Variants in B4GALT5 observed in about 807,000 individuals in gnomAD.
B4GALT5 encodes UDP-Gal:beta-GlcNAc beta-1,4-galactosyltransferase 5.
A neutral mutation model predicts 45.0 loss-of-function variants in B4GALT5; 11 were observed. That is an observed-to-expected ratio of 0.24 (90% CI 0.15 to 0.40). The LOEUF (loss-of-function observed/expected upper bound fraction) is 0.40. B4GALT5 is among the 10% of genes least tolerant of loss of function. B4GALT5 has a pLI of 1.00. For missense variants in B4GALT5, 337 were observed against 500.2 expected, an observed-to-expected ratio of 0.67 and a Z score of 3.11; for synonymous variants, 185 against 182.9, an observed-to-expected ratio of 1.01 and a Z score of -0.09.
Position 49,710,418 on chromosome 20 carries a change from TTG to T in B4GALT5, c.115+3156_115+3157del, listed in dbSNP as rs893816324. Among the ~76,000 whole-genome samples the T allele has an allele frequency of 1.4e-3, 205 of 148,498 alleles. 32 individuals are homozygous for T. The highest frequency in any genetic ancestry group is 0.01 in the Middle Eastern group (3 of 288). On this transcript the variant is annotated intron_variant, in intron 1 of 8. Transcript: ENST00000371711. ...TATTTTCTCTCTCTTTTTTTTTTTT[TTG>T]TGTGTGTGTGTGTGTATGAGACAGA...
rs1371226626 is a variant in B4GALT5 at position 49,633,176 on chromosome 20, A to T, written c.*3136T>A. Reference sequence around the variant, plus strand: ...AAATAAGCTAGCTACGCTCAATGCCATCGTCAATGGTGAGTGGATACAATC... The same window carrying T: ...AAATAAGCTAGCTACGCTCAATGCCTTCGTCAATGGTGAGTGGATACAATC... On this transcript the variant is annotated 3_prime_UTR_variant, in exon 9 of 9. Transcript: ENST00000371711. The T allele has an allele frequency of 1.3e-5, 2 of 152,682 alleles. No individual in the cohort carries two copies. Among genetic ancestry groups the T allele is most frequent in the African/African-American group, 4.8e-5 (2 of 41,472 alleles). The allele number at this position is 152,682 out of a possible 1,614,324, so 9.5% of individuals were successfully genotyped here.
intron 7 of B4GALT5, 63 bp from the exon 8 acceptor site, chr20:49,637,505 C>A: frequency 8.2e-7 from 1 of 1,214,016 alleles, no homozygotes; most frequent in Non-Finnish European, 1.2e-6. Context: ...GTGACCAAAG[C>A]CTACAAGACA....
At position 49,636,457 on chromosome 20, in the gene B4GALT5, T is replaced by C; in HGVS notation, c.1022A>G (p.Tyr341Cys). 4 of 1,614,102 alleles carry C rather than the reference T, an allele frequency of 2.5e-6. No individual in the cohort carries two copies. The highest frequency in any genetic ancestry group is 3.4e-6 in the Non-Finnish European group (4 of 1,179,962). ...HRGEVQFLGR[Y>C]ALLRKSKERQ... ...TTCTTTTGACTTCCTCAGCAGAGCA[T>C]ACCTGTTTAGGGAGGGAACAGAGAA... The change falls in exon 9 of 9, where the codon TAT (tyrosine) becomes TGT (cysteine). Residue 341 changes from tyrosine (Y) to cysteine (C), a missense_variant and splice_region_variant. Tyr to Cys is a radical substitution (Grantham distance 194, BLOSUM62 -2). This residue lies in a region of B4GALT5 where 163 missense variants were observed against 292.8 expected (regional missense o/e 0.56). Transcript: ENST00000371711.
At chr20:49,658,075 G>A (rs968358817) in intron 1 of B4GALT5, among the ~76,000 whole-genome samples, 4 of 152,172 alleles carry the variant, frequency 2.6e-5, no homozygotes, top group African/African-American at 9.7e-5. Flanking sequence ...CCGAAATGAG[G>A]GAGCAGTTTC....
intron 1 of B4GALT5, among the ~76,000 whole-genome samples, chr20:49,706,006 C>T (rs1478004158): frequency 1.3e-5 from 2 of 149,944 alleles, no homozygotes; most frequent in Admixed American, 6.6e-5. Context: ...ATGGTGAAAC[C>T]CCATCTCTAC....
At chr20:49,708,720 G>T (rs1218367189) in intron 1 of B4GALT5, among the ~76,000 whole-genome samples, 1 of 152,100 alleles carries the variant, frequency 6.6e-6, no homozygotes, top group African/African-American at 2.4e-5. Flanking sequence ...GGCCAAGGTG[G>T]GCAGACCACG....
rs1303888799 is a variant in B4GALT5, at chr20:49,633,454, A to G, written c.*2858T>C. 1.2e-5 allele frequency: 1 copy of G among 83,984 alleles called. No homozygotes were observed. The highest frequency in any genetic ancestry group is 6.0e-5 in the African/African-American group (1 of 16,718). The allele number at this position is 83,984 out of a possible 1,614,324, so 5.2% of individuals were successfully genotyped here. ...TTTGGTTCCTGTTTTTTTTTTTAAC[A>G]TGACAATTTCACACTATTAACAGCA... On this transcript the variant is annotated 3_prime_UTR_variant, in exon 9 of 9. Coordinates refer to ENST00000371711, the MANE Select transcript of B4GALT5 (RefSeq NM_004776.4).
At chr20:49,680,902 T>C (rs993284632) in intron 1 of B4GALT5, among the ~76,000 whole-genome samples, 1 of 152,130 alleles carries the variant, frequency 6.6e-6, no homozygotes, top group Non-Finnish European at 1.5e-5. Flanking sequence ...ATGTATATTT[T>C]ACCATATATT....
chr20:49,687,516 C>T lies in B4GALT5; in HGVS notation c.115+26060G>A, dbSNP rs1346606310. On this transcript the variant is annotated intron_variant, in intron 1 of 8. Transcript: ENST00000371711. ...AAAATTAGCCGGGTGTGGTGGCAGG[C>T]GCGTGTAATCCCAGCTACTCGGGAG... Among the ~76,000 whole-genome samples the T allele has an allele frequency of 9.2e-5, 14 of 152,002 alleles. No homozygotes were observed. In the East Asian group the frequency reaches 1.4e-3, roughly 15 times the overall value.
At chr20:49,709,598 C>T (rs529858912) in intron 1 of B4GALT5, among the ~76,000 whole-genome samples, 2 of 151,944 alleles carry the variant, frequency 1.3e-5, no homozygotes, top group African/African-American at 2.4e-5. Context: ...ATGGTAAAAC[C>T]CCATCTCTAC....
At chr20:49,696,168 C>G (rs2085838833) in intron 1 of B4GALT5, among the ~76,000 whole-genome samples, 1 of 152,150 alleles carries the variant, frequency 6.6e-6, no homozygotes, top group East Asian at 1.9e-4. Context: ...AACAGACTCT[C>G]AATCATTCAA....
chr20:49,687,092 C>A (rs920387784), intron 1 of B4GALT5, among the ~76,000 whole-genome samples: 1 of 152,074 alleles, frequency 6.6e-6, no homozygotes, highest in African/African-American at 2.4e-5. Flanking sequence ...TATCTGGGGG[C>A]ATTTTTCGTT....
chr20:49,649,533 TC>T (rs1430839801), intron 2 of B4GALT5, among the ~76,000 whole-genome samples: 2 of 151,880 alleles, frequency 1.3e-5, no homozygotes, highest in Non-Finnish European at 2.9e-5. Context: ...TGGGCAATGA[TC>T]ACACCACTGT....
intron 1 of B4GALT5, among the ~76,000 whole-genome samples, chr20:49,687,208 T>C (rs1040644343): frequency 1.3e-5 from 2 of 152,208 alleles, no homozygotes; most frequent in African/African-American, 4.8e-5. Flanking sequence ...CAAAGCAGCA[T>C]GTCAACAGTG....
intron 2 of B4GALT5, among the ~76,000 whole-genome samples, chr20:49,651,441 T>G (rs2085622148): frequency 6.6e-6 from 1 of 151,612 alleles, no homozygotes; most frequent in Non-Finnish European, 1.5e-5. Context: ...ATACAAAAAT[T>G]AGCCAGGCAT....
chr20:49,703,729 A>AAAAAAAAAATAATAAT (rs2085872436), intron 1 of B4GALT5, among the ~76,000 whole-genome samples: 1 of 133,874 alleles, frequency 7.5e-6, no homozygotes, highest in African/African-American at 2.8e-5. Context: ...TTTCTACTAA[A>AAAAAAAAAATAATAAT]AAAAAAAAAA....
chr20:49,687,879 T>TA (rs374029440), intron 1 of B4GALT5, among the ~76,000 whole-genome samples: 2,255 of 145,570 alleles, frequency 0.015, 59 homozygotes, highest in African/African-American at 0.052. Flanking sequence ...CAGAGAAAAT[T>TA]AAAAAAAAAA....
chr20:49,680,479 T>C (rs555946277), intron 1 of B4GALT5, among the ~76,000 whole-genome samples: 3 of 152,360 alleles, frequency 2.0e-5, no homozygotes, highest in Admixed American at 2.0e-4. Flanking sequence ...CTTGAAAACA[T>C]GCTAAGTGAA....
In B4GALT5 at chr20:49,664,421, TACACACACACACACACACACACAC is replaced by T. The variant is rs55990435; in HGVS notation, c.116-7743_116-7720del. Among the ~76,000 whole-genome samples, 423 of 128,912 alleles carry T rather than the reference TACACACACACACACACACACACAC, an allele frequency of 3.3e-3. 4 individuals carry two copies. Among genetic ancestry groups the T allele is most frequent in the African/African-American group, 0.012 (397 of 34,010 alleles). 84.6% of individuals were successfully genotyped at this position (128,912 alleles called of 152,430 possible). A position where few individuals can be genotyped will look rare whatever the true frequency, so the allele number is the denominator to read the frequency against. ...TTTTTTTAGAGATGAGGTCTCCAAA[TACACACACACACACACACACACAC>T]ACACACACACACACACACACACACA... On this transcript the variant is annotated intron_variant, in intron 1 of 8. Coordinates refer to ENST00000371711, the MANE Select transcript of B4GALT5 (RefSeq NM_004776.4).
Sources: allele counts gnomAD v4.1 joint callset (sites outside exome capture counted in the v4.1 genomes callset), GRCh38; gene constraint gnomAD v4.1.1; regional missense constraint gnomAD v4.1.1; transcripts MANE v1.5; gene names NCBI Gene and HGNC (gene_info 2026-07-23, HGNC 2026-07-21).